Variants in ADAM32 observed in about 807,000 individuals in gnomAD.
ADAM32 encodes the protein ADAM metallopeptidase domain 32.
In ADAM32, 89 loss-of-function variants were observed where a neutral mutation model predicts 114.9. The observed-to-expected ratio is 0.77, with a 90% CI of 0.65 to 0.92. The LOEUF (loss-of-function observed/expected upper bound fraction) is 0.92, where lower values mean the gene tolerates loss of function less well. Among genes scored for constraint, ADAM32 ranks in the 40% least tolerant of loss-of-function variants. The pLI is 0.00. For missense variants in ADAM32, 870 were observed against 932.8 expected (o/e 0.93, Z 0.88); for synonymous variants, 285 against 307.5 (o/e 0.93, Z 0.77).
intron 7 of ADAM32, among the ~76,000 whole-genome samples, chr8:39,163,639 T>C (rs1452291297): frequency 1.3e-5 from 2 of 152,252 alleles, no homozygotes; most frequent in African/African-American, 4.8e-5. Flanking sequence ...GAGCATCATC[T>C]AGATAACAGT....
chr8:39,281,163 A>G lies in ADAM32; in HGVS notation c.2307A>G (p.Ala769=), dbSNP rs1813397265. The G allele has an allele frequency of 2.9e-6, 4 of 1,377,438 alleles. No homozygotes were observed. The highest frequency in any genetic ancestry group is 3.8e-6 in the Non-Finnish European group (4 of 1,043,378). 85.3% of individuals were successfully genotyped at this position (1,377,438 alleles called of 1,614,324 possible). A position where few individuals can be genotyped will look rare whatever the true frequency, so the allele number is the denominator to read the frequency against. The change falls in exon 23 of 25, where the codon GCA becomes GCG. Residue 769 remains alanine, a synonymous_variant. Coordinates refer to ENST00000379907, the MANE Select transcript of ADAM32 (RefSeq NM_145004.7). ...CCAAATCAGAAGATAGTGCTGAAGC[A>G]TATACTAGCAGGTAAGCAGGATAGA... ...SKSKSEDSAE[A]YTSRSKSQDS...
intron 22 of ADAM32, among the ~76,000 whole-genome samples, chr8:39,279,971 G>T (rs147698481): frequency 6.6e-6 from 1 of 152,144 alleles, no homozygotes. Flanking sequence ...TCAGATTTGC[G>T]AGTAGTGGAA....
At chr8:39,108,684 T>C (rs1840028736) in intron 1 of ADAM32, among the ~76,000 whole-genome samples, 3 of 152,138 alleles carry the variant, frequency 2.0e-5, no homozygotes, top group African/African-American at 7.2e-5. Context: ...TCCAAACATT[T>C]TACTTGCATG....
chr8:39,115,221 T>C (rs1840326771), intron 1 of ADAM32, among the ~76,000 whole-genome samples: 2 of 152,196 alleles, frequency 1.3e-5, no homozygotes, highest in African/African-American at 4.8e-5. Flanking sequence ...TATATTCCCT[T>C]GGGTATATAC....
At chr8:39,175,385 T>C (rs1360961716) in intron 10 of ADAM32, among the ~76,000 whole-genome samples, 2 of 152,086 alleles carry the variant, frequency 1.3e-5, no homozygotes, top group Admixed American at 1.3e-4. Flanking sequence ...ACTGAGAGAT[T>C]TTAACATGAA....
intron 11 of ADAM32, among the ~76,000 whole-genome samples, chr8:39,202,864 T>C (rs983511796): frequency 2.0e-5 from 3 of 152,238 alleles, no homozygotes; most frequent in Non-Finnish European, 4.4e-5. Context: ...AGAACATCTT[T>C]ATTTCTGCCT....
chr8:39,272,993 G>T (rs139017279), intron 20 of ADAM32, among the ~76,000 whole-genome samples: 1 of 151,358 alleles, frequency 6.6e-6, no homozygotes, highest in Non-Finnish European at 1.5e-5. Flanking sequence ...ATTAGCCTTG[G>T]TCTATGCAGG....
chr8:39,217,655 A>G (rs562260952), intron 12 of ADAM32, among the ~76,000 whole-genome samples: 47 of 152,260 alleles, frequency 3.1e-4, no homozygotes, highest in African/African-American at 1.1e-3. Flanking sequence ...AGAGACTCTG[A>G]TGCATTCTTC....
chr8:39,265,521 T>C (rs1479431488), intron 19 of ADAM32, among the ~76,000 whole-genome samples: 4 of 152,238 alleles, frequency 2.6e-5, no homozygotes, highest in African/African-American at 7.2e-5. Flanking sequence ...TATGTGCAGA[T>C]TTGATCCTGT....
At chr8:39,115,146 C>G (rs901671085) in intron 1 of ADAM32, among the ~76,000 whole-genome samples, 5 of 152,146 alleles carry the variant, frequency 3.3e-5, no homozygotes, top group Non-Finnish European at 5.9e-5. Flanking sequence ...GATTCCATGT[C>G]TTTGCTATTG....
At chr8:39,151,128 C>CTA in intron 5 of ADAM32, among the ~76,000 whole-genome samples, 1 of 152,148 alleles carries the variant, frequency 6.6e-6, no homozygotes. Flanking sequence ...TACTGTTATG[C>CTA]TATATACTTG....
intron 11 of ADAM32, among the ~76,000 whole-genome samples, chr8:39,187,685 A>G (rs1056992275): frequency 1.9e-4 from 29 of 152,178 alleles, no homozygotes; most frequent in African/African-American, 5.8e-4. Context: ...CCTAACATCC[A>G]AAAGAGTAAG....
At chr8:39,117,217 G>A (rs1282511442) in intron 1 of ADAM32, among the ~76,000 whole-genome samples, 3 of 152,170 alleles carry the variant, frequency 2.0e-5, no homozygotes, top group African/African-American at 7.2e-5. Flanking sequence ...GTATGCTTAT[G>A]TGATCTTCCT....
chr8:39,109,431 C>T (rs1185867985), intron 1 of ADAM32, among the ~76,000 whole-genome samples: 3 of 152,062 alleles, frequency 2.0e-5, no homozygotes, highest in African/African-American at 7.3e-5. Context: ...CCTGTAATCC[C>T]AGCTACTCGG....
At chr8:39,198,492 C>A (rs1441542988) in intron 11 of ADAM32, among the ~76,000 whole-genome samples, 1 of 152,190 alleles carries the variant, frequency 6.6e-6, no homozygotes, top group Non-Finnish European at 1.5e-5. Flanking sequence ...ATTCTCCTGC[C>A]TCAGCCCCTC....
chr8:39,153,762 A>G (rs748059048), intron 6 of ADAM32, among the ~76,000 whole-genome samples: 10 of 152,316 alleles, frequency 6.6e-5, no homozygotes, highest in Admixed American at 6.5e-4. Flanking sequence ...TTAGTAAATT[A>G]TCTACATATA....
chr8:39,190,752 T>G (rs2129447373), intron 11 of ADAM32, among the ~76,000 whole-genome samples: 1 of 152,352 alleles, frequency 6.6e-6, no homozygotes, highest in South Asian at 2.1e-4. Context: ...AAGTGAGATT[T>G]ACTTGTGTGT....
intron 2 of ADAM32, among the ~76,000 whole-genome samples, chr8:39,128,050 C>A (rs960994377): frequency 1.3e-5 from 2 of 152,084 alleles, no homozygotes; most frequent in African/African-American, 2.4e-5. Flanking sequence ...TGATCCAGAG[C>A]TGAGTTCAGG....
chr8:39,138,419 C>T (rs555954082), intron 3 of ADAM32, among the ~76,000 whole-genome samples: 8 of 151,822 alleles, frequency 5.3e-5, no homozygotes, highest in East Asian at 3.9e-4. Context: ...TGTGAACATG[C>T]GGTGTTTGGT....
Sources: allele counts gnomAD v4.1 joint callset (sites outside exome capture counted in the v4.1 genomes callset), GRCh38; gene constraint gnomAD v4.1.1; transcripts MANE v1.5; gene names NCBI Gene and HGNC (gene_info 2026-07-23, HGNC 2026-07-21).